The following ATP8B1 variants were observed in gnomAD, a reference collection of about 807,000 sequenced individuals.
ATP8B1 encodes ATPase phospholipid transporting 8B1.
In ATP8B1, 80 loss-of-function variants were observed where a neutral mutation model predicts 149.9. The observed-to-expected ratio is 0.53, with a 90% CI of 0.45 to 0.64. The LOEUF (loss-of-function observed/expected upper bound fraction) is 0.64. ATP8B1 is among the 30% of genes least tolerant of loss of function. ATP8B1 has a pLI of 0.00. For synonymous variants in ATP8B1, 536 were observed against 562.8 expected, an observed-to-expected ratio of 0.95 and a Z score of 0.67; for missense variants, 1,247 against 1,552.6, an observed-to-expected ratio of 0.80 and a Z score of 3.31.
chr18:57,713,169 T>A (rs1450566542), intron 2 of ATP8B1, among the ~76,000 whole-genome samples: 3 of 70,056 alleles, frequency 4.3e-5, no homozygotes, highest in African/African-American at 1.9e-4. Context: ...CTTTCTTTCT[T>A]TCTTTCTTTC....
At chr18:57,736,265 A>G (rs1191212206) in intron 1 of ATP8B1, among the ~76,000 whole-genome samples, 1 of 152,048 alleles carries the variant, frequency 6.6e-6, no homozygotes, top group East Asian at 1.9e-4. Flanking sequence ...ATTTTCTCCT[A>G]TTCAGCAGGA....
At position 57,738,477 on chromosome 18, in the gene ATP8B1, T is replaced by C. The variant is rs547387429; in HGVS notation, c.-25-6645A>G. On this transcript the variant is annotated intron_variant, in intron 1 of 27. Coordinates refer to ENST00000648908, the MANE Select transcript of ATP8B1 (RefSeq NM_001374385.1). Reference sequence around the variant, plus strand: ...GTCCCTATTAATAATACAAAAAAATTAGCTGGGCATGGTGGCACATGCCTG... The same window carrying C: ...GTCCCTATTAATAATACAAAAAAATCAGCTGGGCATGGTGGCACATGCCTG... Among the ~76,000 whole-genome samples, 9 of 152,126 alleles carry C rather than the reference T, an allele frequency of 5.9e-5. No homozygotes were observed. In the South Asian group the frequency reaches 1.5e-3, roughly 25 times the overall value.
chr18:57,786,186 C>T (rs202164695), intron 1 of ATP8B1, among the ~76,000 whole-genome samples: 1 of 152,140 alleles, frequency 6.6e-6, no homozygotes, highest in East Asian at 1.9e-4. Context: ...ACCAAGGTGG[C>T]CACTAGTGTA....
In ATP8B1 at chr18:57,648,563, G is replaced by T; in HGVS notation, c.3681C>A (p.Ile1227=). 1.2e-6 allele frequency: 2 copies of T among 1,611,494 alleles called. No individual in the cohort carries two copies. The highest frequency in any genetic ancestry group is 1.7e-6 in the Non-Finnish European group (2 of 1,179,952). Residue 1227 remains isoleucine, a synonymous_variant, in exon 28 of 28, where the codon ATC becomes ATA. Transcript: ENST00000648908. ...CATCAAGCGGCGAGCGCTTCTTGCG[G>T]ATGCTGCGCCCGGAGGAGATGAGGT... ...YADLISSGRS[I]RKKRSPLDAI...
chr18:57,764,341 T>TTTTC (rs1361362222), intron 1 of ATP8B1, among the ~76,000 whole-genome samples: 2 of 101,942 alleles, frequency 2.0e-5, no homozygotes, highest in Non-Finnish European at 4.3e-5. Context: ...CTTTCTTTCT[T>TTTTC]TTTCTTTCTT....
At chr18:57,732,632 G>A (rs185433443) in intron 1 of ATP8B1, among the ~76,000 whole-genome samples, 173 of 151,812 alleles carry the variant, frequency 1.1e-3, no homozygotes, top group Admixed American at 4.3e-3. Context: ...GCACGATCTC[G>A]GCTCACTGTC....
At chr18:57,661,089 A>G in intron 22 of ATP8B1, 85 bp downstream of exon 22, 1 of 1,535,998 alleles carries the variant, frequency 6.5e-7, no homozygotes, top group Admixed American at 1.9e-5. Context: ...TAAAATCTAA[A>G]AAAAGAAAAT....
At chr18:57,663,761 A>ATTTTTTTT in intron 20 of ATP8B1, among the ~76,000 whole-genome samples, 1 of 97,462 alleles carries the variant, frequency 1.0e-5, no homozygotes, top group Non-Finnish European at 1.9e-5. Flanking sequence ...TGCTTTGCCC[A>ATTTTTTTT]TTTTTTTTTT....
intron 2 of ATP8B1, among the ~76,000 whole-genome samples, chr18:57,727,386 G>A (rs2079719155): frequency 6.6e-6 from 1 of 152,196 alleles, no homozygotes; most frequent in Non-Finnish European, 1.5e-5. Context: ...GATATCCTAC[G>A]ATTGATACGT....
At chr18:57,764,196 C>T (rs1448422314) in intron 1 of ATP8B1, among the ~76,000 whole-genome samples, 1 of 152,210 alleles carries the variant, frequency 6.6e-6, no homozygotes, top group East Asian at 1.9e-4. Flanking sequence ...CATGATGTGG[C>T]TTTGGTCACC....
intron 15 of ATP8B1, among the ~76,000 whole-genome samples, chr18:57,675,761 A>G (rs1911546768): frequency 6.6e-6 from 1 of 152,178 alleles, no homozygotes; most frequent in South Asian, 2.1e-4. Flanking sequence ...GTTGCAGTGC[A>G]GTGGCACGAT....
At chr18:57,660,929 A>G (rs1219968836) in intron 22 of ATP8B1, among the ~76,000 whole-genome samples, 3 of 152,190 alleles carry the variant, frequency 2.0e-5, no homozygotes, top group Non-Finnish European at 1.5e-5. Flanking sequence ...TTCCCCCCAT[A>G]GACCTTATTT....
chr18:57,779,344 A>G (rs951386876), intron 1 of ATP8B1, among the ~76,000 whole-genome samples: 31 of 151,962 alleles, frequency 2.0e-4, no homozygotes, highest in Non-Finnish European at 3.8e-4. Context: ...GAAGAAGGAG[A>G]AGGAGAAGAA....
chr18:57,652,555 C>G lies in ATP8B1; in HGVS notation c.3190G>C (p.Glu1064Gln). ...AAAGACTGGTAGTCGGAAGGTGCCT[C>G]TCCATCCTGCCCTACGGTTTGCAGA... ...AYLQTVGQDG[E>Q]APSDYQSFAV... Residue 1064 changes from glutamate to glutamine, a missense_variant, in exon 25 of 28, where the codon GAG becomes CAG. Transcript: ENST00000648908. 1 of 1,614,162 alleles carries G rather than the reference C, an allele frequency of 6.2e-7. No homozygotes were observed. The highest frequency in any genetic ancestry group is 8.5e-7 in the Non-Finnish European group (1 of 1,180,032).
intron 1 of ATP8B1, among the ~76,000 whole-genome samples, chr18:57,798,687 G>A (rs1347117937): frequency 6.6e-6 from 1 of 152,166 alleles, no homozygotes; most frequent in East Asian, 1.9e-4. Flanking sequence ...GGTAAAGGGG[G>A]CTCAGGAGCA....
At chr18:57,770,513 C>G (rs1374544290) in intron 1 of ATP8B1, among the ~76,000 whole-genome samples, 1 of 152,250 alleles carries the variant, frequency 6.6e-6, no homozygotes, top group East Asian at 1.9e-4. Flanking sequence ...AGACACAAGG[C>G]TCCTTTCTCC....
intron 13 of ATP8B1, 56 bp downstream of exon 13, chr18:57,688,243 C>T: frequency 4.5e-6 from 7 of 1,555,082 alleles, no homozygotes; most frequent in Non-Finnish European, 6.2e-6. Context: ...AAGTAATGAC[C>T]TGCACACGGC....
intron 1 of ATP8B1, among the ~76,000 whole-genome samples, chr18:57,785,105 A>T (rs1599236667): frequency 6.6e-6 from 1 of 152,314 alleles, no homozygotes; most frequent in Admixed American, 6.5e-5. Context: ...AAAAAACCAG[A>T]CCTAGTATTA....
At chr18:57,770,066 C>CTTT (rs1568063958) in intron 1 of ATP8B1, among the ~76,000 whole-genome samples, 1 of 103,574 alleles carries the variant, frequency 9.7e-6, no homozygotes, top group African/African-American at 3.5e-5. Flanking sequence ...TGCTGAACTG[C>CTTT]ATTTTTTTTT....
Sources: gnomAD v4.1 joint callset for allele counts (sites outside exome capture counted in the v4.1 genomes callset) on GRCh38, gnomAD v4.1.1 for gene constraint, MANE v1.5 for transcripts, NCBI Gene and HGNC (gene_info 2026-07-23, HGNC 2026-07-21) for gene names.